Variants in EWSR1 observed in about 807,000 individuals in gnomAD.
The protein encoded by EWSR1 is RNA-binding protein EWS.
A neutral mutation model predicts 92.1 loss-of-function variants in EWSR1; 14 were observed. The ratio of observed to expected loss-of-function variants is 0.15; its 90% CI spans 0.10 to 0.24. EWSR1 has a LOEUF of 0.24. Among genes scored for constraint, EWSR1 ranks in the 10% least tolerant of loss-of-function variants. The pLI, the probability that EWSR1 is intolerant of heterozygous loss-of-function variation, is 1.00. For synonymous variants in EWSR1, 303 were observed against 292.9 expected (o/e 1.03, Z -0.35); for missense variants, 637 against 870.9 (o/e 0.73, Z 3.38).
In EWSR1 at chr22:29,296,340, T is replaced by G; in HGVS notation, c.1266T>G (p.Thr422=). The change falls in exon 12 of 17, where the codon ACT becomes ACG. Residue 422 remains threonine (T), a synonymous_variant. Coordinates refer to ENST00000397938, the MANE Select transcript of EWSR1 (RefSeq NM_005243.4). Reference sequence around the variant, plus strand: ...CAGTGTCCTATGAAGACCCACCCACTGCCAAGGCTGCCGTGGAATGGTTTG... The same window carrying G: ...CAGTGTCCTATGAAGACCCACCCACGGCCAAGGCTGCCGTGGAATGGTTTG... ...DATVSYEDPP[T]AKAAVEWFDG... 1 of 1,614,164 alleles carries G rather than the reference T, an allele frequency of 6.2e-7. No homozygotes were observed. The highest frequency in any genetic ancestry group is 8.5e-7 in the Non-Finnish European group (1 of 1,179,996).
intron 11 of EWSR1, among the ~76,000 whole-genome samples, chr22:29,294,916 A>C (rs2060733312): frequency 4.6e-5 from 7 of 151,918 alleles, no homozygotes; most frequent in Admixed American, 4.6e-4. Flanking sequence ...CATCTCAAAA[A>C]AAAAAAGGAA....
At chr22:29,279,086 G>A (rs11913870) in intron 5 of EWSR1, among the ~76,000 whole-genome samples, 7,711 of 152,222 alleles carry the variant, frequency 0.051, 286 homozygotes, top group African/African-American at 0.1. Context: ...ACCTTTTAGG[G>A]TAGGAGAAGG....
intron 5 of EWSR1, among the ~76,000 whole-genome samples, chr22:29,280,859 G>GTTT (rs1316884921): frequency 2.9e-4 from 26 of 91,018 alleles, no homozygotes; most frequent in African/African-American, 4.0e-4. Flanking sequence ...GTGTGTGTGT[G>GTTT]TTGTTTTTTT....
chr22:29,289,233 G>C (rs2060266435), intron 8 of EWSR1: 1 of 234,272 alleles, frequency 4.3e-6, no homozygotes, highest in Non-Finnish European at 8.4e-6. Flanking sequence ...ACTTCTGTTT[G>C]TACTCAGAAT....
chr22:29,294,756 A>G (rs1398878600), intron 11 of EWSR1, among the ~76,000 whole-genome samples: 1 of 152,024 alleles, frequency 6.6e-6, no homozygotes, highest in Non-Finnish European at 1.5e-5. Flanking sequence ...TCTACTAAAA[A>G]TACAGAAATT....
At chr22:29,280,859 GT>G (rs1316884921) in intron 5 of EWSR1, among the ~76,000 whole-genome samples, 38 of 91,020 alleles carry the variant, frequency 4.2e-4, no homozygotes, top group South Asian at 2.5e-3. Flanking sequence ...GTGTGTGTGT[GT>G]TGTTTTTTTT....
intron 6 of EWSR1, 47 bp from the exon 7 acceptor site, chr22:29,286,876 C>G (rs2060083547): frequency 2.1e-6 from 3 of 1,457,734 alleles, no homozygotes; most frequent in East Asian, 2.3e-5. Flanking sequence ...AAATAACAAG[C>G]CTCTTTCTAA....
At chr22:29,272,273 C>A (rs1211550033) in intron 2 of EWSR1, 21 bp downstream of exon 2, 3 of 1,613,658 alleles carry the variant, frequency 1.9e-6, no homozygotes, top group East Asian at 4.5e-5. Flanking sequence ...CTTTTATAAC[C>A]GTATTTTGTG....
At chr22:29,272,899 G>A (rs1348580275) in intron 3 of EWSR1, among the ~76,000 whole-genome samples, 4 of 152,198 alleles carry the variant, frequency 2.6e-5, no homozygotes, top group Non-Finnish European at 1.5e-5. Flanking sequence ...TGAAGAGTCT[G>A]TTGAAAAGCC....
At chr22:29,279,833 CAG>C (rs1320983707) in intron 5 of EWSR1, among the ~76,000 whole-genome samples, 4 of 152,158 alleles carry the variant, frequency 2.6e-5, no homozygotes, top group Non-Finnish European at 5.9e-5. Flanking sequence ...CGAGTGTCAT[CAG>C]ATGTATGAAG....
intron 1 of EWSR1, among the ~76,000 whole-genome samples, chr22:29,268,734 C>T (rs540249177): frequency 9.8e-5 from 15 of 152,364 alleles, no homozygotes; most frequent in African/African-American, 2.9e-4. Context: ...TATGAAACCG[C>T]CGGGGGGCCC....
At chr22:29,271,382 C>G (rs965933509) in intron 1 of EWSR1, among the ~76,000 whole-genome samples, 12 of 152,020 alleles carry the variant, frequency 7.9e-5, no homozygotes, top group Non-Finnish European at 4.4e-5. Flanking sequence ...TTTTTGGTCC[C>G]TTTGGATGCA....
intron 11 of EWSR1, among the ~76,000 whole-genome samples, chr22:29,293,347 A>T (rs2060590738): frequency 2.0e-5 from 3 of 152,170 alleles, no homozygotes; most frequent in Admixed American, 1.3e-4. Context: ...CTTCATAGCT[A>T]GTAACGCAGA....
chr22:29,282,110 G>A (rs1007967213), intron 5 of EWSR1, among the ~76,000 whole-genome samples: 3 of 152,170 alleles, frequency 2.0e-5, no homozygotes, highest in Admixed American at 1.3e-4. Flanking sequence ...CACTTTTATA[G>A]CGTTTACTGT....
At position 29,300,150 on chromosome 22, in the gene EWSR1, C is replaced by G. The variant is rs1436919745; in HGVS notation, c.1960C>G (p.Arg654Gly). The stretch of plus-strand genomic sequence containing the variant: ...CGAGCACCGTCAGGAGCGCAGAGAT[C>G]GGCCCTACTAGATGCAGAGACCCCG... ...KGEHRQERRD[R>G]PY Residue 654 changes from arginine (R) to glycine (G), a missense_variant, in exon 17 of 17, where the codon CGG becomes GGG. Arg to Gly is a moderately radical substitution (Grantham distance 125). Transcript: ENST00000397938. 1 of 1,601,480 alleles carries G rather than the reference C, an allele frequency of 6.2e-7. No homozygotes were observed.
In EWSR1 at chr22:29,287,050, C is replaced by A. The variant is rs1475936481; in HGVS notation, c.709C>A (p.Pro237Thr). The A allele has an allele frequency of 6.2e-7, 1 of 1,613,974 alleles. No homozygotes were observed. ...ACAAAGCAGCTATGGGCAGCAGCCTCCCACTAGTTACCCACCCCAAACTGG... is the reference window on the plus strand; with the variant it reads ...ACAAAGCAGCTATGGGCAGCAGCCTACCACTAGTTACCCACCCCAAACTGG... Reference protein sequence around the residue: ...GQQSSYGQQPPTSYPPQTGSY... With the variant: ...GQQSSYGQQPTTSYPPQTGSY... The change falls in exon 7 of 17, where the codon CCC becomes ACC. Residue 237 changes from proline (P) to threonine (T), a missense_variant. Around this residue, in one of 5 missense-constraint regions of EWSR1, gnomAD observed 116 missense variants for 167.8 expected, o/e 0.69. Coordinates refer to ENST00000397938, the MANE Select transcript of EWSR1 (RefSeq NM_005243.4).
chr22:29,275,105 TTATC>T (rs1412141158), intron 4 of EWSR1, among the ~76,000 whole-genome samples: 1 of 152,220 alleles, frequency 6.6e-6, no homozygotes, highest in Admixed American at 6.5e-5. Context: ...TGGGAAATGT[TTATC>T]TAAACTTTCT....
chr22:29,292,209 T>G, intron 10 of EWSR1, 40 bp downstream of exon 10: 1 of 1,590,700 alleles, frequency 6.3e-7, no homozygotes. Context: ...TCGTGCTTTG[T>G]AAATTAATGG....
At chr22:29,284,509 G>A (rs1030212764) in intron 6 of EWSR1, among the ~76,000 whole-genome samples, 3 of 151,392 alleles carry the variant, frequency 2.0e-5, no homozygotes, top group Non-Finnish European at 4.4e-5. Flanking sequence ...GAGCAGGTTC[G>A]TACCTATTGC....
Sources: allele counts gnomAD v4.1 joint callset (sites outside exome capture counted in the v4.1 genomes callset), GRCh38; gene constraint gnomAD v4.1.1; regional missense constraint gnomAD v4.1.1; transcripts MANE v1.5; gene names NCBI Gene and HGNC (gene_info 2026-07-23, HGNC 2026-07-21).